Variants in NR6A1 observed in about 807,000 individuals in gnomAD.
NR6A1 encodes nuclear receptor subfamily 6 group A member 1.
A neutral mutation model predicts 59.1 loss-of-function variants in NR6A1; 7 were observed. The observed-to-expected ratio is 0.12, with a 90% CI of 0.07 to 0.22. The LOEUF (loss-of-function observed/expected upper bound fraction) is 0.22. NR6A1 is among the 10% of genes least tolerant of loss of function. The pLI is 1.00. For synonymous variants in NR6A1, 243 were observed against 236.1 expected (o/e 1.03, Z -0.27); for missense variants, 468 against 611.6 (o/e 0.77, Z 2.48).
chr9:124,666,428 A>C (rs913385285), intron 2 of NR6A1, among the ~76,000 whole-genome samples: 8 of 151,914 alleles, frequency 5.3e-5, no homozygotes, highest in African/African-American at 1.9e-4. Flanking sequence ...ACAGGCATGC[A>C]CCACCATGCC....
At chr9:124,530,466 C>T (rs1833072127) in intron 7 of NR6A1, among the ~76,000 whole-genome samples, 2 of 152,352 alleles carry the variant, frequency 1.3e-5, no homozygotes, top group Admixed American at 1.3e-4. Context: ...TCACTGTCTA[C>T]AAATTATCAG....
chr9:124,684,452 G>T (rs981470667), intron 2 of NR6A1, among the ~76,000 whole-genome samples: 4 of 152,162 alleles, frequency 2.6e-5, no homozygotes, highest in African/African-American at 4.8e-5. Context: ...CTCAGGAAAG[G>T]CTTCTGTAAT....
At chr9:124,573,845 T>G (rs961144374) in intron 2 of NR6A1, among the ~76,000 whole-genome samples, 3 of 152,196 alleles carry the variant, frequency 2.0e-5, no homozygotes, top group East Asian at 1.9e-4. Context: ...AACATACACA[T>G]GCATGCTTTG....
At chr9:124,634,365 CAT>C (rs1836536773) in intron 2 of NR6A1, among the ~76,000 whole-genome samples, 1 of 152,150 alleles carries the variant, frequency 6.6e-6, no homozygotes, top group Non-Finnish European at 1.5e-5. Context: ...CCACAATTAA[CAT>C]GTGTGATCTT....
intron 2 of NR6A1, among the ~76,000 whole-genome samples, chr9:124,679,725 A>G (rs976619279): frequency 2.6e-5 from 4 of 151,626 alleles, no homozygotes; most frequent in Non-Finnish European, 2.9e-5. Flanking sequence ...CCCCATCTCT[A>G]CTAAAAATAC....
chr9:124,595,082 T>C (rs1835232983), intron 2 of NR6A1, among the ~76,000 whole-genome samples: 1 of 152,252 alleles, frequency 6.6e-6, no homozygotes, highest in Admixed American at 6.5e-5. Context: ...GTGTCTTTCC[T>C]GGCCTAAATA....
At chr9:124,567,086 C>G (rs1250606690) in intron 2 of NR6A1, among the ~76,000 whole-genome samples, 1 of 148,712 alleles carries the variant, frequency 6.7e-6, no homozygotes, top group African/African-American at 2.5e-5. Context: ...CCAGCCTGGG[C>G]GACAGAGCGA....
intron 2 of NR6A1, among the ~76,000 whole-genome samples, chr9:124,563,692 T>G (rs1160785148): frequency 6.6e-6 from 1 of 152,214 alleles, no homozygotes; most frequent in African/African-American, 2.4e-5. Context: ...TAAGGACTTT[T>G]CTACTTTATG....
At chr9:124,605,218 T>C (rs1835545429) in intron 2 of NR6A1, among the ~76,000 whole-genome samples, 1 of 152,160 alleles carries the variant, frequency 6.6e-6, no homozygotes, top group Admixed American at 6.5e-5. Context: ...AAGGATGTAA[T>C]CGGCAATATC....
intron 2 of NR6A1, chr9:124,598,752 A>C: frequency 2.1e-6 from 2 of 946,622 alleles, no homozygotes; most frequent in South Asian, 2.6e-5. Context: ...CTTCTCCTTC[A>C]CCGAAAGAGC....
chr9:124,708,585 A>T (rs1246108680), intron 2 of NR6A1, among the ~76,000 whole-genome samples: 1 of 152,194 alleles, frequency 6.6e-6, no homozygotes. Flanking sequence ...GTATAAACTC[A>T]TCTTGGGATT....
chr9:124,588,403 G>T (rs991553784), intron 2 of NR6A1, among the ~76,000 whole-genome samples: 7 of 151,804 alleles, frequency 4.6e-5, no homozygotes. Flanking sequence ...TGCCTTCCGG[G>T]TTCACGCCAT....
chr9:124,623,359 T>C (rs959961410), intron 2 of NR6A1, among the ~76,000 whole-genome samples: 4 of 150,824 alleles, frequency 2.7e-5, no homozygotes, highest in African/African-American at 9.7e-5. Context: ...ATTATTATTA[T>C]TATTATTTAT....
At chr9:124,602,742 C>A (rs774650646) in intron 2 of NR6A1, among the ~76,000 whole-genome samples, 1 of 152,100 alleles carries the variant, frequency 6.6e-6, no homozygotes, top group Non-Finnish European at 1.5e-5. Flanking sequence ...AGATAAAATG[C>A]CCCCATTAAG....
At chr9:124,549,944 T>C (rs1588658422) in intron 3 of NR6A1, among the ~76,000 whole-genome samples, 1 of 152,254 alleles carries the variant, frequency 6.6e-6, no homozygotes, top group Non-Finnish European at 1.5e-5. Flanking sequence ...CATGCCTTCA[T>C]AGTCTTCTCC....
At chr9:124,530,535 C>T (rs1833073434) in intron 7 of NR6A1, among the ~76,000 whole-genome samples, 1 of 152,224 alleles carries the variant, frequency 6.6e-6, no homozygotes, top group Admixed American at 6.5e-5. Flanking sequence ...TCCCATTACA[C>T]AAGCATGCTG....
At chr9:124,703,403 G>C (rs1192873923) in intron 2 of NR6A1, among the ~76,000 whole-genome samples, 1 of 147,704 alleles carries the variant, frequency 6.8e-6, no homozygotes, top group Non-Finnish European at 1.5e-5. Context: ...CTTGTAACAG[G>C]CTCTATGTTA....
chr9:124,685,490 G>A (rs1564236615), intron 2 of NR6A1, among the ~76,000 whole-genome samples: 1 of 152,112 alleles, frequency 6.6e-6, no homozygotes, highest in Non-Finnish European at 1.5e-5. Context: ...CACAATGCCG[G>A]GCTAATTTTT....
intron 3 of NR6A1, among the ~76,000 whole-genome samples, chr9:124,547,833 C>T (rs532319381): frequency 6.6e-6 from 1 of 152,054 alleles, no homozygotes; most frequent in Non-Finnish European, 1.5e-5. Context: ...TTAAAAGAGA[C>T]TGAAAAGACA....
Sources: gnomAD v4.1 joint callset for allele counts (sites outside exome capture counted in the v4.1 genomes callset) on GRCh38, gnomAD v4.1.1 for gene constraint, MANE v1.5 for transcripts, NCBI Gene and HGNC (gene_info 2026-07-23, HGNC 2026-07-21) for gene names.